The following LARGE1 variants were observed in gnomAD, a reference collection of about 807,000 sequenced individuals.
LARGE1 encodes xylosyl- and glucuronyltransferase LARGE1.
LARGE1 carries 43 observed loss-of-function variants against 87.6 expected under a neutral mutation model. The ratio of observed to expected loss-of-function variants is 0.49; its 90% confidence interval spans 0.38 to 0.63. The LOEUF (loss-of-function observed/expected upper bound fraction) is 0.63. Among genes scored for constraint, LARGE1 ranks in the 30% least tolerant of loss-of-function variants. The pLI is 0.00. For missense variants in LARGE1, 802 were observed against 1,000.2 expected, an observed-to-expected ratio of 0.80 and a Z score of 2.67; for synonymous variants, 434 against 394.6, an observed-to-expected ratio of 1.10 and a Z score of -1.18.
At position 33,480,769 on chromosome 22, in the gene LARGE1, T is replaced by C. The variant is rs191987962; in HGVS notation, c.788-48504A>G. 2.4e-3 allele frequency among the ~76,000 whole-genome samples: 365 copies of C among 152,338 alleles called. 2 individuals are homozygous for C. Among genetic ancestry groups the C allele is most frequent in the Non-Finnish European group, 4.0e-3 (272 of 68,036 alleles). Reference sequence around the variant, plus strand: ...AATTTTATAATGCAGTCTTAGACTTTTATTATGTGTTTAGATATACAGATA... The same window carrying C: ...AATTTTATAATGCAGTCTTAGACTTCTATTATGTGTTTAGATATACAGATA... On this transcript the variant is annotated intron_variant, in intron 6 of 14. Coordinates refer to ENST00000397394, the MANE Select transcript of LARGE1 (RefSeq NM_133642.5).
intron 1 of LARGE1, among the ~76,000 whole-genome samples, chr22:33,848,464 G>A (rs1490365396): frequency 1.3e-5 from 2 of 152,002 alleles, no homozygotes; most frequent in African/African-American, 4.8e-5. Context: ...GCAGGCCACT[G>A]AATGACTCAG....
At chr22:33,708,961 T>A (rs1369547785) in intron 2 of LARGE1, among the ~76,000 whole-genome samples, 1 of 152,134 alleles carries the variant, frequency 6.6e-6, no homozygotes, top group African/African-American at 2.4e-5. Flanking sequence ...GCTAGTGTCT[T>A]CATGGGGTCT....
In LARGE1 at chr22:33,274,620, T is replaced by A; in HGVS notation, c.2078A>T (p.Tyr693Phe). Residue 693 changes from tyrosine to phenylalanine, a missense_variant, in exon 15 of 15, where the codon TAT becomes TTT. This residue lies in a region of LARGE1 where 625 missense variants were observed against 841.9 expected (regional missense o/e 0.74). Coordinates refer to ENST00000397394, the MANE Select transcript of LARGE1 (RefSeq NM_133642.5). ...GGCGTTGGGCAGCACAATGAACTCATACTCCTGGAAGAAGACAAGAGCAGC... is the reference window on the plus strand; with the variant it reads ...GGCGTTGGGCAGCACAATGAACTCAAACTCCTGGAAGAAGACAAGAGCAGC... ...AHIMELDVQE[Y>F]EFIVLPNAYM... 1 of 1,614,034 alleles carries A rather than the reference T, an allele frequency of 6.2e-7. No individual in the cohort carries two copies. The highest frequency in any genetic ancestry group is 8.5e-7 in the Non-Finnish European group (1 of 1,179,976).
At chr22:33,228,212 G>A (rs1406447339) in intron 11 of LARGE1, among the ~76,000 whole-genome samples, 4 of 152,224 alleles carry the variant, frequency 2.6e-5, no homozygotes, top group Non-Finnish European at 5.9e-5. Context: ...TGGCACATAG[G>A]TAAGAGCTCA....
chr22:33,151,143 G>T, the LARGE1 span, among the ~76,000 whole-genome samples: 1 of 152,096 alleles, frequency 6.6e-6, no homozygotes, highest in Non-Finnish European at 1.5e-5. Context: ...GCATTATGTA[G>T]TTTTTAGCAT....
Position 33,371,619 on chromosome 22 carries a change from T to C in LARGE1, c.1131+10300A>G, listed in dbSNP as rs141388755. ...AATAACTTGAAATGATGATTCGCTT[T>C]GTGTAATATTTCAGTTTTCATAAGT... On this transcript the variant is annotated intron_variant, in intron 9 of 14. Coordinates refer to ENST00000397394, the MANE Select transcript of LARGE1 (RefSeq NM_133642.5). Among the ~76,000 whole-genome samples, 135 of 152,342 alleles carry C rather than the reference T, an allele frequency of 8.9e-4. No individual in the cohort carries two copies. In the East Asian group the frequency reaches 0.023, roughly 26 times the overall value.
chr22:33,870,705 A>T (rs1349980713), intron 1 of LARGE1, among the ~76,000 whole-genome samples: 1 of 152,096 alleles, frequency 6.6e-6, no homozygotes, highest in Admixed American at 6.5e-5. Context: ...AGTAGCTGGG[A>T]TTACAGGTGT....
At chr22:33,837,162 C>T (rs2146378314) in intron 1 of LARGE1, among the ~76,000 whole-genome samples, 1 of 151,922 alleles carries the variant, frequency 6.6e-6, no homozygotes, top group East Asian at 1.9e-4. Context: ...GCCAAAGGCA[C>T]AGGGATTTTG....
intron 3 of LARGE1, among the ~76,000 whole-genome samples, chr22:33,635,118 CAA>C (rs1269248304): frequency 1.1e-4 from 14 of 130,450 alleles, no homozygotes; most frequent in Non-Finnish European, 8.3e-5. Flanking sequence ...ACTCCATCTC[CAA>C]AAAAAAAAAA....
At chr22:33,336,973 A>G (rs1938529846) in intron 10 of LARGE1, among the ~76,000 whole-genome samples, 1 of 151,714 alleles carries the variant, frequency 6.6e-6, no homozygotes, top group Non-Finnish European at 1.5e-5. Context: ...AGGCGGGAGA[A>G]TCGCTTGAAC....
At position 33,769,556 on chromosome 22, in the gene LARGE1, T is replaced by C. The variant is rs370705397; in HGVS notation, c.-82-7998A>G. ...CAGTCTCACTGGATATTCATTATCATACAAACTACTCCAATCACACGATAC... is the reference window on the plus strand; with the variant it reads ...CAGTCTCACTGGATATTCATTATCACACAAACTACTCCAATCACACGATAC... On this transcript the variant is annotated intron_variant, in intron 1 of 14. Coordinates refer to ENST00000397394, the MANE Select transcript of LARGE1 (RefSeq NM_133642.5). Among the ~76,000 whole-genome samples, 76 of 152,316 alleles carry C rather than the reference T, an allele frequency of 5.0e-4. 1 individual carries two copies. The highest frequency in any genetic ancestry group is 1.6e-3 in the African/African-American group (68 of 41,574).
intron 9 of LARGE1, among the ~76,000 whole-genome samples, chr22:33,368,567 AT>A (rs1338920522): frequency 6.6e-6 from 1 of 151,772 alleles, no homozygotes; most frequent in Non-Finnish European, 1.5e-5. Context: ...AAAAGAAAAA[AT>A]ATGTTAAATA....
chr22:33,745,636 A>T (rs1461570604), intron 2 of LARGE1, among the ~76,000 whole-genome samples: 1 of 152,192 alleles, frequency 6.6e-6, no homozygotes, highest in Non-Finnish European at 1.5e-5. Flanking sequence ...AGGAAAGGCG[A>T]GGGCCCGGTT....
intron 11 of LARGE1, among the ~76,000 whole-genome samples, chr22:33,265,145 CCCT>C (rs1927863508): frequency 6.6e-6 from 1 of 151,786 alleles, no homozygotes; most frequent in African/African-American, 2.4e-5. Context: ...CCTCAGGTGA[CCCT>C]CCCATCTCAG....
At chr22:33,767,981 G>T (rs1021401452) in intron 1 of LARGE1, among the ~76,000 whole-genome samples, 3 of 152,244 alleles carry the variant, frequency 2.0e-5, no homozygotes, top group East Asian at 1.9e-4. Flanking sequence ...CACCTGAAGA[G>T]AAAGAGCTGG....
intron 2 of LARGE1, among the ~76,000 whole-genome samples, chr22:33,675,269 G>T (rs1210235672): frequency 1.1e-5 from 1 of 90,716 alleles, no homozygotes; most frequent in Non-Finnish European, 2.1e-5. Context: ...CCTCCAGCCT[G>T]GGCAACAAGA....
intron 7 of LARGE1, among the ~76,000 whole-genome samples, chr22:33,431,662 T>C (rs192571523): frequency 6.6e-6 from 1 of 152,288 alleles, no homozygotes; most frequent in African/African-American, 2.4e-5. Flanking sequence ...ACAAAAACTT[T>C]AAGAGATAAT....
intron 1 of LARGE1, among the ~76,000 whole-genome samples, chr22:33,789,947 T>G (rs1416880817): frequency 6.6e-6 from 1 of 152,094 alleles, no homozygotes; most frequent in African/African-American, 2.4e-5. Context: ...GAGTTGAGAC[T>G]TTGGGGGACT....
the LARGE1 span, among the ~76,000 whole-genome samples, chr22:33,125,119 G>A: frequency 2.0e-5 from 3 of 152,162 alleles, no homozygotes; most frequent in Admixed American, 6.5e-5. Flanking sequence ...TCCACGTGTC[G>A]GTAAACTGTG....
Sources: allele counts gnomAD v4.1 joint callset (sites outside exome capture counted in the v4.1 genomes callset), GRCh38; gene constraint gnomAD v4.1.1; regional missense constraint gnomAD v4.1.1; transcripts MANE v1.5; gene names NCBI Gene and HGNC (gene_info 2026-07-23, HGNC 2026-07-21).